The following VBP1 variants were observed in gnomAD, a reference collection of about 807,000 sequenced individuals.
VBP1 encodes the protein VHL binding protein 1.
Under a neutral mutation model 15.5 loss-of-function variants are expected in VBP1, and 4 were observed. The observed-to-expected ratio is 0.26, with a 90% CI of 0.13 to 0.59. The LOEUF (loss-of-function observed/expected upper bound fraction) is 0.59, where lower values mean the gene tolerates loss of function less well. VBP1 is among the 20% of genes least tolerant of loss of function. The pLI is 0.90. For missense variants in VBP1, 108 were observed against 139.6 expected (o/e 0.77, Z 1.14); for synonymous variants, 61 against 52.1 (o/e 1.17, Z -0.74).
chrX:155,229,561 T>G (rs1260515237), intron 4 of VBP1, among the ~76,000 whole-genome samples: 1 of 112,398 alleles, frequency 8.9e-6, no homozygotes, highest in Non-Finnish European at 1.9e-5. Flanking sequence ...TCATTCTGTG[T>G]GATTTCCTCT....
intron 1 of VBP1, among the ~76,000 whole-genome samples, chrX:155,201,290 G>A (rs1281669474): frequency 3.7e-5 from 4 of 108,414 alleles, no homozygotes; most frequent in Non-Finnish European, 5.7e-5. Context: ...TACCAAAGCC[G>A]GGCAGAGACA....
upstream of VBP1, chrX:155,213,607 C>T (rs782800864): frequency 1.8e-5 from 2 of 113,764 alleles, no homozygotes; most frequent in Non-Finnish European, 3.7e-5. Flanking sequence ...GTGACATTTA[C>T]AGGTACTATT....
rs782347051 is a variant in VBP1 at position 155,209,070 on chromosome X, T to C, written c.78+89T>C. 11 of 840,654 alleles carry C rather than the reference T, an allele frequency of 1.3e-5. No homozygotes were observed. The South Asian group carries it at 2.6e-4, about 19-fold the overall frequency. 69.3% of individuals were successfully genotyped at this position (840,654 alleles called of 1,213,427 possible). On this transcript the variant is annotated intron_variant, in intron 2 of 6. Transcript: ENST00000535916. The stretch of plus-strand genomic sequence containing the variant: ...AGTGTTATAATGGAGTTTTGCAACA[T>C]AGCCATCTTTTGTATACTGTTGGTC...
chrX:155,203,196 G>T, intron 1 of VBP1, among the ~76,000 whole-genome samples: 1 of 111,455 alleles, frequency 9.0e-6, no homozygotes, highest in Non-Finnish European at 1.9e-5. Flanking sequence ...GTGGAAGTCA[G>T]TGTGGCGATT....
chrX:155,205,313 G>C (rs782793204), intron 1 of VBP1, among the ~76,000 whole-genome samples: 4 of 111,257 alleles, frequency 3.6e-5, no homozygotes, highest in Non-Finnish European at 7.5e-5. Context: ...AAATATTCAT[G>C]TTTCTGATAC....
intron 4 of VBP1, among the ~76,000 whole-genome samples, chrX:155,235,101 AGTGTGTGTGTGTGTATGTGTGTGTGT>A (rs1457428809): frequency 9.6e-6 from 1 of 104,193 alleles, no homozygotes; most frequent in Non-Finnish European, 2.0e-5. Flanking sequence ...CATTTCACCC[AGTGTGTGTGTGTGTATGTGTGTGTGT>A]GTGTGTGTGT....
At chrX:155,202,698 G>C (rs1483720977) in intron 1 of VBP1, among the ~76,000 whole-genome samples, 2 of 106,380 alleles carry the variant, frequency 1.9e-5, no homozygotes, top group Non-Finnish European at 3.9e-5. Flanking sequence ...ATAGGCATGG[G>C]CAAGGACTTC....
intron 1 of VBP1, among the ~76,000 whole-genome samples, chrX:155,204,608 T>A (rs1301138661): frequency 8.9e-6 from 1 of 112,019 alleles, no homozygotes; most frequent in African/African-American, 3.2e-5. Context: ...ATATAGCACA[T>A]GCCTTGTGAG....
At position 155,236,282 on chromosome X, in the gene VBP1, G is replaced by A. The variant is rs781849733; in HGVS notation, c.438G>A (p.Lys146=). ...DIDEAQALLE[K]NLSTATKNLD... is the part of the protein sequence containing the mutation. ...ATGAAGCTCAGGCATTGTTGGAAAA[G>A]AATTTATCGACTGCCACAAAGAATC... Residue 146 remains lysine (K), a synonymous_variant, in exon 5 of 6, where the codon AAG becomes AAA. Transcript: ENST00000286428. 1 of 1,210,874 alleles carries A rather than the reference G, an allele frequency of 8.3e-7. No homozygotes were observed. Among genetic ancestry groups the A allele is most frequent in the Non-Finnish European group, 1.1e-6 (1 of 894,948 alleles).
chrX:155,232,210 T>C (rs2074750452), intron 4 of VBP1, among the ~76,000 whole-genome samples: 1 of 110,137 alleles, frequency 9.1e-6, no homozygotes, highest in Admixed American at 9.7e-5. Flanking sequence ...TGCTCCATTT[T>C]TCTGTTGGAT....
Position 155,238,814 on chromosome X carries a change from A to G in VBP1, c.566A>G (p.Lys189Arg), listed in dbSNP as rs2074785821. The change falls in exon 6 of 6, where the codon AAG (lysine) becomes AGG (arginine). Residue 189 changes from lysine (K) to arginine (R), a missense_variant. By Grantham distance (26) the Lys-to-Arg change is conservative. Coordinates refer to ENST00000286428, the MANE Select transcript of VBP1 (RefSeq NM_003372.7). ...AATTGGGATGTAAAAAGAAGAAACAAGGATGACTCTACCAAGAACAAAGCA... is the reference window on the plus strand; with the variant it reads ...AATTGGGATGTAAAAAGAAGAAACAGGGATGACTCTACCAAGAACAAAGCA... ...VYNWDVKRRN[K>R]DDSTKNKA The G allele has an allele frequency of 5.0e-6, 6 of 1,207,069 alleles. No homozygotes were observed. The highest frequency in any genetic ancestry group is 6.7e-6 in the Non-Finnish European group (6 of 893,720).
At chrX:155,226,349 AT>A (rs1205845600) in intron 2 of VBP1, among the ~76,000 whole-genome samples, 1 of 111,725 alleles carries the variant, frequency 9.0e-6, no homozygotes, top group African/African-American at 3.3e-5. Flanking sequence ...ACTTACTAGC[AT>A]TTTGCTAGTA....
At chrX:155,205,182 C>T (rs1490648622) in intron 1 of VBP1, among the ~76,000 whole-genome samples, 3 of 112,307 alleles carry the variant, frequency 2.7e-5, no homozygotes, top group African/African-American at 9.7e-5. Flanking sequence ...CAATACAATA[C>T]AGGTAATGGA....
chrX:155,230,950 T>A (rs1479140745), intron 4 of VBP1, among the ~76,000 whole-genome samples: 1 of 111,923 alleles, frequency 8.9e-6, no homozygotes, highest in Non-Finnish European at 1.9e-5. Flanking sequence ...AGTGCTGGGA[T>A]TACAGGTATG....
chrX:155,238,549 G>A (rs140467587), intron 5 of VBP1, among the ~76,000 whole-genome samples: 4 of 111,543 alleles, frequency 3.6e-5, no homozygotes, highest in Non-Finnish European at 7.5e-5. Flanking sequence ...GTAAACAATG[G>A]GTTAACAATT....
At chrX:155,198,772 G>A (rs1035012603) in intron 1 of VBP1, among the ~76,000 whole-genome samples, 3 of 112,204 alleles carry the variant, frequency 2.7e-5, no homozygotes, top group Non-Finnish European at 5.7e-5. Flanking sequence ...TGACTTTGAC[G>A]AGTTGAGAGA....
At chrX:155,236,418 T>A (rs1461105809) in intron 5 of VBP1, 51 bp downstream of exon 5, 2 of 1,157,764 alleles carry the variant, frequency 1.7e-6, no homozygotes, top group Admixed American at 2.5e-5. Flanking sequence ...AAGATTTTTT[T>A]AAAAAAACAT....
intron 1 of VBP1, among the ~76,000 whole-genome samples, chrX:155,205,138 A>G (rs1425248629): frequency 8.9e-6 from 1 of 111,939 alleles, no homozygotes; most frequent in Non-Finnish European, 1.9e-5. Flanking sequence ...CACTAGTTCT[A>G]TTTGTAGCTT....
intron 2 of VBP1, among the ~76,000 whole-genome samples, chrX:155,225,219 G>T (rs1569560933): frequency 9.0e-6 from 1 of 111,342 alleles, no homozygotes; most frequent in Non-Finnish European, 1.9e-5. Flanking sequence ...GTGGAGGTGG[G>T]GGTAATTTAA....
Sources: allele counts gnomAD v4.1 joint callset (sites outside exome capture counted in the v4.1 genomes callset), GRCh38; gene constraint gnomAD v4.1.1; transcripts MANE v1.5; gene names NCBI Gene and HGNC (gene_info 2026-07-23, HGNC 2026-07-21).